FHIT: variants seen among roughly 807,000 people sequenced by gnomAD.
The protein encoded by FHIT is bis(5'-adenosyl)-triphosphatase.
Under a neutral mutation model 17.9 loss-of-function variants are expected in FHIT, and 19 were observed. That is an observed-to-expected ratio of 1.06 (90% CI 0.74 to 1.56). FHIT has a LOEUF of 1.56. Ranked by LOEUF, FHIT falls within the 40% of genes most tolerant of loss-of-function variation. FHIT has a pLI of 0.00. For synonymous variants in FHIT, 81 were observed against 69.7 expected, an observed-to-expected ratio of 1.16 and a Z score of -0.81; for missense variants, 248 against 189.2, an observed-to-expected ratio of 1.31 and a Z score of -1.82.
intron 7 of FHIT, among the ~76,000 whole-genome samples, chr3:59,952,345 G>C (rs955517570): frequency 6.6e-6 from 1 of 152,162 alleles, no homozygotes; most frequent in African/African-American, 2.4e-5. Flanking sequence ...ACCAAAGCCA[G>C]TATCCCAGAC....
At chr3:60,548,163 G>C (rs565682441) in intron 4 of FHIT, among the ~76,000 whole-genome samples, 3 of 147,766 alleles carry the variant, frequency 2.0e-5, no homozygotes, top group South Asian at 2.1e-4. Flanking sequence ...GAGAGAGAGA[G>C]AGACACTCTT....
At chr3:59,812,395 CT>C (rs1700438716) in intron 8 of FHIT, among the ~76,000 whole-genome samples, 1 of 152,172 alleles carries the variant, frequency 6.6e-6, no homozygotes, top group Non-Finnish European at 1.5e-5. Context: ...CTGAGTCAGA[CT>C]GGAAGAAGTC....
At chr3:60,526,684 T>A (rs1023420060) in intron 5 of FHIT, among the ~76,000 whole-genome samples, 6 of 152,138 alleles carry the variant, frequency 3.9e-5, no homozygotes, top group African/African-American at 1.4e-4. Context: ...CACTCTTGTG[T>A]GCTCATGTAC....
chr3:60,488,088 G>A (rs1398467853), intron 5 of FHIT, among the ~76,000 whole-genome samples: 2 of 152,130 alleles, frequency 1.3e-5, no homozygotes, highest in South Asian at 2.1e-4. Flanking sequence ...GACAAGGCCC[G>A]TGCAGCTACT....
chr3:60,838,220 C>G (rs1183706480), intron 3 of FHIT, among the ~76,000 whole-genome samples: 2 of 152,206 alleles, frequency 1.3e-5, no homozygotes, highest in African/African-American at 2.4e-5. Flanking sequence ...CGCCTGTAAT[C>G]CCAGCACTTT....
intron 2 of FHIT, among the ~76,000 whole-genome samples, chr3:61,046,958 A>G (rs2033819194): frequency 6.6e-6 from 1 of 152,068 alleles, no homozygotes; most frequent in South Asian, 2.1e-4. Context: ...CATGCTAAAA[A>G]CTCTCAATAA....
chr3:60,912,840 G>A, intron 3 of FHIT: 1 of 501,640 alleles, frequency 2.0e-6, no homozygotes, highest in Non-Finnish European at 3.9e-6. Flanking sequence ...AGCTATATAA[G>A]GTCACATTTT....
intron 2 of FHIT, among the ~76,000 whole-genome samples, chr3:61,107,279 C>T (rs2036019295): frequency 6.6e-6 from 1 of 152,112 alleles, no homozygotes; most frequent in Non-Finnish European, 1.5e-5. Flanking sequence ...TCCAGTTTCA[C>T]CAGTTTGTCT....
intron 3 of FHIT, among the ~76,000 whole-genome samples, chr3:60,960,371 T>C (rs1259878760): frequency 1.3e-5 from 2 of 152,176 alleles, no homozygotes; most frequent in Non-Finnish European, 2.9e-5. Flanking sequence ...TTGGGAAAAT[T>C]AAAACTACAA....
At chr3:60,407,067 ATTTTTTTTT>A (rs34542104) in intron 5 of FHIT, among the ~76,000 whole-genome samples, 10 of 62,902 alleles carry the variant, frequency 1.6e-4, no homozygotes, top group African/African-American at 6.3e-4. Context: ...CCTGCCAATA[ATTTTTTTTT>A]TTTTTTTTTT....
At chr3:61,241,254 A>G (rs150152954) in intron 1 of FHIT, among the ~76,000 whole-genome samples, 1 of 152,226 alleles carries the variant, frequency 6.6e-6, no homozygotes, top group East Asian at 1.9e-4. Context: ...CAGGACTGAA[A>G]CAATCTTACT....
At chr3:60,782,838 A>C (rs1184969123) in intron 4 of FHIT, among the ~76,000 whole-genome samples, 1 of 152,174 alleles carries the variant, frequency 6.6e-6, no homozygotes, top group African/African-American at 2.4e-5. Context: ...CACGTGGACG[A>C]AGGCAGAAGG....
intron 5 of FHIT, among the ~76,000 whole-genome samples, chr3:60,514,816 T>C (rs2017941): frequency 0.19 from 28,512 of 151,654 alleles, 2,696 homozygotes; most frequent in Admixed American, 0.21. Context: ...AGAAGTCACA[T>C]GAAAGCGTTC....
intron 2 of FHIT, among the ~76,000 whole-genome samples, chr3:61,053,734 A>G (rs2034113592): frequency 6.6e-6 from 1 of 152,130 alleles, no homozygotes; most frequent in Admixed American, 6.6e-5. Flanking sequence ...TGGCCTTGGT[A>G]TGAGTTGATG....
chr3:59,759,358 G>C (rs1412697577), intron 8 of FHIT, among the ~76,000 whole-genome samples: 1 of 152,172 alleles, frequency 6.6e-6, no homozygotes, highest in Non-Finnish European at 1.5e-5. Flanking sequence ...AAGGGAGAAA[G>C]TGATGGCAAC....
intron 4 of FHIT, among the ~76,000 whole-genome samples, chr3:60,635,480 C>T (rs534762732): frequency 7.4e-4 from 113 of 152,304 alleles, no homozygotes; most frequent in Admixed American, 2.2e-3. Flanking sequence ...ACCACACTAC[C>T]CTTTCCCCAC....
intron 8 of FHIT, among the ~76,000 whole-genome samples, chr3:59,768,058 T>C (rs781509796): frequency 1.5e-4 from 23 of 152,236 alleles, no homozygotes; most frequent in Non-Finnish European, 2.4e-4. Context: ...TTGAGTCTTC[T>C]GCCATGTTGG....
chr3:61,106,629 T>C (rs1230641439), intron 2 of FHIT, among the ~76,000 whole-genome samples: 1 of 152,196 alleles, frequency 6.6e-6, no homozygotes, highest in Non-Finnish European at 1.5e-5. Context: ...ATTGAGTGAA[T>C]TAACATATGC....
intron 5 of FHIT, among the ~76,000 whole-genome samples, chr3:60,144,582 A>T (rs1559673573): frequency 6.6e-6 from 1 of 151,982 alleles, no homozygotes; most frequent in Admixed American, 6.6e-5. Flanking sequence ...TTAACTGAAG[A>T]TTTTTTTTAA....
Sources: gnomAD v4.1 joint callset for allele counts (sites outside exome capture counted in the v4.1 genomes callset) on GRCh38, gnomAD v4.1.1 for gene constraint, MANE v1.5 for transcripts, NCBI Gene and HGNC (gene_info 2026-07-23, HGNC 2026-07-21) for gene names.